The following TMEM132D variants were observed in gnomAD, a reference collection of about 807,000 sequenced individuals.
TMEM132D encodes the protein transmembrane protein 132D, also known as mature OL transmembrane protein.
Under a neutral mutation model 62.3 loss-of-function variants are expected in TMEM132D, and 21 were observed. The ratio of observed to expected loss-of-function variants is 0.34; its 90% confidence interval spans 0.24 to 0.49. The LOEUF (loss-of-function observed/expected upper bound fraction) is 0.49, where lower values mean the gene tolerates loss of function less well. Among genes scored for constraint, TMEM132D ranks in the 20% least tolerant of loss-of-function variants. TMEM132D has a pLI of 0.99. For synonymous variants in TMEM132D, 621 were observed against 575.6 expected (o/e 1.08, Z -1.13); for missense variants, 1,346 against 1,402.8 (o/e 0.96, Z 0.65).
chr12:129,800,299 C>T (rs1436533810), intron 1 of TMEM132D, among the ~76,000 whole-genome samples: 5 of 151,766 alleles, frequency 3.3e-5, no homozygotes, highest in Non-Finnish European at 2.9e-5. Flanking sequence ...CTTTAAGTCC[C>T]AAGCTCCTAG....
At chr12:129,111,625 C>T (rs1875707289) in intron 5 of TMEM132D, 1 of 152,142 alleles carries the variant, frequency 6.6e-6, no homozygotes, top group Non-Finnish European at 1.5e-5. Flanking sequence ...AGATGAAATC[C>T]ACCCATCATT....
chr12:129,489,666 T>C (rs192578340), intron 3 of TMEM132D, among the ~76,000 whole-genome samples: 19 of 152,376 alleles, frequency 1.2e-4, no homozygotes, highest in Middle Eastern at 6.8e-3. Flanking sequence ...TAGAATGTAA[T>C]TGTCTCTTTT....
intron 4 of TMEM132D, among the ~76,000 whole-genome samples, chr12:129,287,308 G>A (rs1322339707): frequency 6.6e-6 from 1 of 152,196 alleles, no homozygotes; most frequent in Non-Finnish European, 1.5e-5. Context: ...CAGAGCTGAT[G>A]TAAGCACAGA....
At chr12:129,095,943 G>T (rs1345184931) in intron 5 of TMEM132D, among the ~76,000 whole-genome samples, 1 of 152,126 alleles carries the variant, frequency 6.6e-6, no homozygotes, top group Non-Finnish European at 1.5e-5. Context: ...AGTCCCTAGA[G>T]CCTGCTTTCC....
chr12:129,777,672 T>G (rs1870983368), intron 1 of TMEM132D, among the ~76,000 whole-genome samples: 2 of 152,180 alleles, frequency 1.3e-5, no homozygotes, highest in African/African-American at 4.8e-5. Flanking sequence ...GTGGACTTTA[T>G]AGTACAACTC....
Position 129,161,037 on chromosome 12 carries a change from A to C in TMEM132D, c.1443+48483T>G, listed in dbSNP as rs182904245. On this transcript the variant is annotated intron_variant, in intron 5 of 8. Coordinates refer to ENST00000422113, the MANE Select transcript of TMEM132D (RefSeq NM_133448.3). ...TCTGCCCAGAGCATACTATGCGCTA[A>C]AAATGCATTGAATGAGTAAAAAAGC... 1.1e-3 allele frequency among the ~76,000 whole-genome samples: 174 copies of C among 152,364 alleles called. 5 individuals are homozygous for C. The East Asian group carries it at 0.027, about 23-fold the overall frequency.
intron 2 of TMEM132D, among the ~76,000 whole-genome samples, chr12:129,563,710 G>C (rs1877298078): frequency 6.6e-6 from 1 of 152,170 alleles, no homozygotes; most frequent in Non-Finnish European, 1.5e-5. Context: ...ATCTGGGATT[G>C]TGGGGAAGAC....
intron 3 of TMEM132D, among the ~76,000 whole-genome samples, chr12:129,372,888 A>C (rs1870658249): frequency 6.6e-6 from 1 of 152,188 alleles, no homozygotes; most frequent in Admixed American, 6.5e-5. Context: ...GAATTATCCC[A>C]GAATCATCCC....
intron 5 of TMEM132D, among the ~76,000 whole-genome samples, chr12:129,179,342 GT>G (rs897529104): frequency 6.9e-6 from 1 of 144,128 alleles, no homozygotes; most frequent in African/African-American, 2.7e-5. Flanking sequence ...TTTGTTTTTT[GT>G]TTTTTTTCTA....
At chr12:129,191,760 A>G (rs894749736) in intron 5 of TMEM132D, among the ~76,000 whole-genome samples, 5 of 150,718 alleles carry the variant, frequency 3.3e-5, no homozygotes, top group Non-Finnish European at 5.9e-5. Flanking sequence ...ATACACACAC[A>G]CAGAACACAC....
At chr12:129,200,309 G>A (rs937237534) in intron 5 of TMEM132D, among the ~76,000 whole-genome samples, 2 of 152,146 alleles carry the variant, frequency 1.3e-5, no homozygotes, top group African/African-American at 4.8e-5. Context: ...TACCCCTGCC[G>A]AATAAAAGAG....
chr12:129,703,945 T>G (rs911457454), intron 1 of TMEM132D, among the ~76,000 whole-genome samples: 3 of 145,386 alleles, frequency 2.1e-5, no homozygotes, highest in Admixed American at 2.1e-4. Flanking sequence ...AAAATCTACA[T>G]CCATGCTGAA....
chr12:129,664,288 C>T (rs558389110), intron 2 of TMEM132D, among the ~76,000 whole-genome samples: 44 of 152,116 alleles, frequency 2.9e-4, no homozygotes, highest in Admixed American at 1.5e-3. Context: ...AAGAATCCCA[C>T]CTTTAAGGGC....
intron 2 of TMEM132D, among the ~76,000 whole-genome samples, chr12:129,551,619 C>G (rs1269972319): frequency 6.6e-6 from 1 of 152,140 alleles, no homozygotes; most frequent in African/African-American, 2.4e-5. Context: ...GTTGGGGCTG[C>G]CACCTTTAAA....
chr12:129,578,886 C>T (rs536037016), intron 2 of TMEM132D, among the ~76,000 whole-genome samples: 1 of 152,302 alleles, frequency 6.6e-6, no homozygotes, highest in South Asian at 2.1e-4. Flanking sequence ...TCTACTCAGT[C>T]CACTGATTCA....
intron 1 of TMEM132D, among the ~76,000 whole-genome samples, chr12:129,830,540 TC>T (rs1469931498): frequency 1.3e-5 from 2 of 152,058 alleles, no homozygotes; most frequent in Non-Finnish European, 2.9e-5. Context: ...CCTCCCTGCT[TC>T]CAATGTCCCT....
intron 3 of TMEM132D, among the ~76,000 whole-genome samples, chr12:129,392,067 T>C (rs111628145): frequency 0.012 from 1,705 of 148,044 alleles, 12 homozygotes; most frequent in Non-Finnish European, 0.014. Context: ...TCAGTATTTC[T>C]TTTTTTTGAG....
At chr12:129,339,592 T>C (rs373368359) in intron 3 of TMEM132D, among the ~76,000 whole-genome samples, 52 of 152,266 alleles carry the variant, frequency 3.4e-4, no homozygotes, top group African/African-American at 1.2e-3. Context: ...TTTCTTTACA[T>C]AAGAAAAGAA....
At chr12:129,227,424 G>A (rs148461262) in intron 4 of TMEM132D, among the ~76,000 whole-genome samples, 1 of 148,348 alleles carries the variant, frequency 6.7e-6, no homozygotes. Context: ...TTAACCTTGG[G>A]CCCCCACATA....
Sources: gnomAD v4.1 joint callset for allele counts (sites outside exome capture counted in the v4.1 genomes callset) on GRCh38, gnomAD v4.1.1 for gene constraint, MANE v1.5 for transcripts, NCBI Gene and HGNC (gene_info 2026-07-23, HGNC 2026-07-21) for gene names.